SYNPO2: variants seen among roughly 807,000 people sequenced by gnomAD.
SYNPO2 encodes synaptopodin 2, also known as synaptopodin-2.
In SYNPO2, 56 loss-of-function variants were observed where a neutral mutation model predicts 85.0. That is an observed-to-expected ratio of 0.66 (90% CI 0.53 to 0.82). The LOEUF is 0.82. Ranked by LOEUF, SYNPO2 falls within the 40% of genes least tolerant of loss-of-function variation. The pLI, the probability that SYNPO2 is intolerant of heterozygous loss-of-function variation, is 0.00. For missense variants in SYNPO2, 1,575 were observed against 1,534.2 expected, an observed-to-expected ratio of 1.03 and a Z score of -0.44; for synonymous variants, 602 against 591.1, an observed-to-expected ratio of 1.02 and a Z score of -0.27.
chr4:118,955,168 G>A (rs528784408), intron 1 of SYNPO2, among the ~76,000 whole-genome samples: 3 of 152,020 alleles, frequency 2.0e-5, no homozygotes, highest in South Asian at 2.1e-4. Context: ...CCTGGGTAAC[G>A]TTTGCATTTT....
chr4:118,881,338 A>C (rs879473674), intron 1 of SYNPO2, among the ~76,000 whole-genome samples: 1 of 151,812 alleles, frequency 6.6e-6, no homozygotes, highest in Non-Finnish European at 1.5e-5. Context: ...AGAGGTTAAG[A>C]TATAGACCTG....
At chr4:118,889,573 G>A (rs1181593015) in intron 1 of SYNPO2, among the ~76,000 whole-genome samples, 2 of 152,192 alleles carry the variant, frequency 1.3e-5, no homozygotes, top group Non-Finnish European at 2.9e-5. Flanking sequence ...CATATAGAGT[G>A]TTGGTAGTGA....
intron 1 of SYNPO2, among the ~76,000 whole-genome samples, chr4:118,969,710 G>A (rs17050208): frequency 0.16 from 23,677 of 151,150 alleles, 2,045 homozygotes; most frequent in East Asian, 0.28. Context: ...AGTTCTGGGC[G>A]TTCTTTCTAT....
chr4:119,038,351 A>T, intron 4 of SYNPO2: 1 of 974,106 alleles, frequency 1.0e-6, no homozygotes, highest in Non-Finnish European at 1.2e-6. Flanking sequence ...TCTGAGAAAG[A>T]AGCATCTGTT....
At chr4:118,961,100 C>CA (rs66642641) in intron 1 of SYNPO2, among the ~76,000 whole-genome samples, 1 of 20,028 alleles carries the variant, frequency 5.0e-5, no homozygotes, top group Non-Finnish European at 9.2e-5. Flanking sequence ...TATTTTACCG[C>CA]CCCCCCCCCA....
intron 1 of SYNPO2, among the ~76,000 whole-genome samples, chr4:119,021,848 A>G (rs760575491): frequency 1.3e-5 from 2 of 152,176 alleles, no homozygotes; most frequent in East Asian, 3.9e-4. Context: ...GCAACTCTCT[A>G]GACTGAAGAA....
intron 1 of SYNPO2, among the ~76,000 whole-genome samples, chr4:118,861,130 C>A (rs1731602387): frequency 6.6e-6 from 1 of 152,004 alleles, no homozygotes; most frequent in Non-Finnish European, 1.5e-5. Context: ...GGAGAGTTTC[C>A]CCAATGTTTT....
At chr4:118,931,748 T>C (rs1208974756) in intron 1 of SYNPO2, among the ~76,000 whole-genome samples, 4 of 152,144 alleles carry the variant, frequency 2.6e-5, no homozygotes, top group African/African-American at 9.7e-5. Flanking sequence ...CTCTTTCCAT[T>C]CCTTTGGCTA....
intron 1 of SYNPO2, among the ~76,000 whole-genome samples, chr4:119,015,665 T>A (rs1490571745): frequency 2.0e-5 from 3 of 152,218 alleles, no homozygotes; most frequent in Admixed American, 6.5e-5. Flanking sequence ...TGGGATGTAC[T>A]CGTTCCTAAA....
intron 1 of SYNPO2, among the ~76,000 whole-genome samples, chr4:118,916,677 A>G (rs1253444068): frequency 6.6e-6 from 1 of 150,736 alleles, no homozygotes; most frequent in Non-Finnish European, 1.5e-5. Context: ...TTGAAGTTTC[A>G]GAGCATTTCT....
chr4:118,980,834 G>T (rs1433119129), intron 1 of SYNPO2, among the ~76,000 whole-genome samples: 1 of 151,978 alleles, frequency 6.6e-6, no homozygotes, highest in African/African-American at 2.4e-5. Context: ...TGGCATGTGT[G>T]GCATGCCATC....
At chr4:118,934,062 T>A (rs1190394933) in intron 1 of SYNPO2, among the ~76,000 whole-genome samples, 1 of 152,168 alleles carries the variant, frequency 6.6e-6, no homozygotes, top group Non-Finnish European at 1.5e-5. Flanking sequence ...TTTAGCGAGA[T>A]CTCTTGATTG....
intron 1 of SYNPO2, among the ~76,000 whole-genome samples, chr4:118,947,674 A>G (rs1361099637): frequency 6.6e-6 from 1 of 152,220 alleles, no homozygotes; most frequent in Non-Finnish European, 1.5e-5. Flanking sequence ...TCTCTTGTTA[A>G]AAGGCTGTTT....
At chr4:118,977,818 A>C (rs1426431564) in intron 1 of SYNPO2, among the ~76,000 whole-genome samples, 1 of 152,218 alleles carries the variant, frequency 6.6e-6, no homozygotes, top group East Asian at 1.9e-4. Context: ...GTACAGTGTT[A>C]GCAATCCCAC....
chr4:118,950,393 C>G (rs1734658613), intron 1 of SYNPO2, among the ~76,000 whole-genome samples: 2 of 152,124 alleles, frequency 1.3e-5, no homozygotes. Context: ...CAGGGAAACA[C>G]CAGGGTCAGT....
intron 1 of SYNPO2, among the ~76,000 whole-genome samples, chr4:119,005,279 G>A (rs1252233631): frequency 1.6e-4 from 24 of 152,230 alleles, no homozygotes; most frequent in Middle Eastern, 3.4e-3. Flanking sequence ...TGCTTTTGGC[G>A]TTTTAGACAT....
chr4:118,973,113 A>G (rs1388451947), intron 1 of SYNPO2, among the ~76,000 whole-genome samples: 1 of 152,184 alleles, frequency 6.6e-6, no homozygotes, highest in Non-Finnish European at 1.5e-5. Context: ...GTTGAGGAGC[A>G]TCTGTAGAGT....
intron 1 of SYNPO2, among the ~76,000 whole-genome samples, chr4:118,936,793 A>G (rs1188263021): frequency 6.6e-6 from 1 of 152,104 alleles, no homozygotes; most frequent in African/African-American, 2.4e-5. Context: ...AAATACTTAC[A>G]CTGGTGTTAA....
intron 4 of SYNPO2, among the ~76,000 whole-genome samples, chr4:119,056,958 C>T (rs1049927184): frequency 6.6e-6 from 1 of 152,064 alleles, no homozygotes; most frequent in Non-Finnish European, 1.5e-5. Flanking sequence ...CTGAGGTTAT[C>T]AATAGGTTTT....
Sources: gnomAD v4.1 joint callset for allele counts (sites outside exome capture counted in the v4.1 genomes callset) on GRCh38, gnomAD v4.1.1 for gene constraint, MANE v1.5 for transcripts, NCBI Gene and HGNC (gene_info 2026-07-23, HGNC 2026-07-21) for gene names.